The following ACSS1 variants were observed in gnomAD, a reference collection of about 807,000 sequenced individuals.
ACSS1 encodes acyl-CoA synthetase short chain family member 1.
In ACSS1, 42 loss-of-function variants were observed where a neutral mutation model predicts 75.3. The ratio of observed to expected loss-of-function variants is 0.56; its 90% CI spans 0.44 to 0.72. The LOEUF is 0.72. Ranked by LOEUF, ACSS1 falls within the 30% of genes least tolerant of loss-of-function variation. The pLI, the probability that ACSS1 is intolerant of heterozygous loss-of-function variation, is 0.00. For synonymous variants in ACSS1, 380 were observed against 376.8 expected (o/e 1.01, Z -0.10); for missense variants, 782 against 935.7 (o/e 0.84, Z 2.14).
rs2088322757 is a variant in ACSS1, at chr20:25,007,124, T to C, written c.*638A>G. On this transcript the variant is annotated 3_prime_UTR_variant, in exon 14 of 14. Transcript: ENST00000323482. ...AAAGATGCCGGAGGCTTGGAAGTTC[T>C]CAAGGGAACTGTTTAGACAGAGGTA... The C allele has an allele frequency of 7.1e-7, 1 of 1,399,050 alleles. No individual in the cohort carries two copies. Among genetic ancestry groups the C allele is most frequent in the African/African-American group, 1.4e-5 (1 of 69,128 alleles). The allele number at this position is 1,399,050 out of a possible 1,614,324, so 86.7% of individuals were successfully genotyped here. A position where few individuals can be genotyped will look rare whatever the true frequency, so the allele number is the denominator to read the frequency against.
chr20:25,032,349 G>A (rs897025548), intron 2 of ACSS1: 20 of 1,340,216 alleles, frequency 1.5e-5, no homozygotes, highest in Admixed American at 3.2e-5. Flanking sequence ...ACTGGGAGCA[G>A]GCGAGAGCCG....
At chr20:25,030,030 C>A (rs925318341) in intron 3 of ACSS1, among the ~76,000 whole-genome samples, 1 of 152,136 alleles carries the variant, frequency 6.6e-6, no homozygotes, top group East Asian at 1.9e-4. Context: ...TGAAAGGAAG[C>A]GGAAGGGCTT....
At chr20:25,009,483 A>G (rs1011518731) in intron 12 of ACSS1, 95 bp from the exon 13 acceptor site, 3 of 982,946 alleles carry the variant, frequency 3.1e-6, no homozygotes, top group African/African-American at 3.2e-5. Context: ...AGAAATCCGA[A>G]GGGCTTTTGA....
At chr20:25,019,377 A>G (rs909617224) in intron 7 of ACSS1, among the ~76,000 whole-genome samples, 8 of 152,240 alleles carry the variant, frequency 5.3e-5, no homozygotes, top group Non-Finnish European at 7.3e-5. Context: ...AACATTACCA[A>G]TAGGCCTAAG....
At position 25,009,295 on chromosome 20, in the gene ACSS1, T is replaced by C. The variant is rs1239980125; in HGVS notation, c.1865A>G (p.Lys622Arg). The C allele has an allele frequency of 6.2e-6, 10 of 1,614,016 alleles. No homozygotes were observed. The highest frequency in any genetic ancestry group is 8.5e-6 in the Non-Finnish European group (10 of 1,179,856). ...CAGGATCTCATCAGGCACAGCATAT[T>C]TGGCGATCTTGGTGGCCACCATGGA... ...LKSMVATKIA[K>R]YAVPDEILVV... The change falls in exon 13 of 14, where the codon AAA becomes AGA. Residue 622 changes from lysine to arginine, a missense_variant. This residue lies in a region of ACSS1 where 405 missense variants were observed against 552.6 expected (regional missense o/e 0.73). Transcript: ENST00000323482.
rs80288802 is a variant in ACSS1, at chr20:25,048,049, C to T, written c.431+36G>A. 8.8e-3 allele frequency: 13,989 copies of T among 1,597,836 alleles called. 1,016 individuals carry two copies. The African/African-American group carries it at 0.16, about 19-fold the overall frequency. ...TCAGCACACAGGACTGGGCTGGGCG[C>T]CTCCCTCGCACCTTGAACATTCGAG... On this transcript the variant is annotated intron_variant, in intron 2 of 13. Transcript: ENST00000323482.
In ACSS1 at chr20:25,023,480, C is replaced by A; in HGVS notation, c.793G>T (p.Val265Phe). 6.2e-7 allele frequency: 1 copy of A among 1,614,112 alleles called. No homozygotes were observed. The highest frequency in any genetic ancestry group is 8.5e-7 in the Non-Finnish European group (1 of 1,180,036). ...AGGTAACCCACCTGCTCCAGCGGGA[C>A]GTCCAGATCCCCCATGTGGACCTTG... ...DNKVHMGDLDVPLEQEMAKED... is the reference protein window; with the variant it reads ...DNKVHMGDLDFPLEQEMAKED... The change falls in exon 4 of 14, where the codon GTC becomes TTC. Residue 265 changes from valine (V) to phenylalanine (F), a missense_variant. By Grantham distance (50) the Val-to-Phe change is conservative. Coordinates refer to ENST00000323482, the MANE Select transcript of ACSS1 (RefSeq NM_032501.4).
rs2089188513 is a variant in ACSS1, at chr20:25,052,486, CCCA to C, written c.335-4308_335-4306del. Among the ~76,000 whole-genome samples the C allele has an allele frequency of 3.3e-5, 5 of 152,342 alleles. No individual in the cohort carries two copies. In the South Asian group the frequency reaches 1.0e-3, roughly 32 times the overall value. On this transcript the variant is annotated intron_variant, in intron 1 of 13. Transcript: ENST00000323482. Reference sequence around the variant, plus strand: ...CCCATTACAGGGCACAATGCCATTCCCCAAGGGCAGGGACTGTGTCCCTAAGAT... The same window carrying C: ...CCCATTACAGGGCACAATGCCATTCCAGGGCAGGGACTGTGTCCCTAAGAT...
At position 25,007,689 on chromosome 20, in the gene ACSS1, AG is replaced by A. The variant is rs1229050228; in HGVS notation, c.*72del. 1.9e-6 allele frequency: 3 copies of A among 1,570,972 alleles called. No homozygotes were observed. On this transcript the variant is annotated 3_prime_UTR_variant, in exon 14 of 14. Coordinates refer to ENST00000323482, the MANE Select transcript of ACSS1 (RefSeq NM_032501.4). ...TGGGACGTAGGAAGACGCCAACCTCAGGGGTACCTTCTGGGAAGGACAAGCC... is the reference window on the plus strand; with the variant it reads ...TGGGACGTAGGAAGACGCCAACCTCAGGGTACCTTCTGGGAAGGACAAGCC...
intron 1 of ACSS1, among the ~76,000 whole-genome samples, chr20:25,057,548 C>G (rs1365713162): frequency 6.6e-6 from 1 of 152,198 alleles, no homozygotes; most frequent in Non-Finnish European, 1.5e-5. Flanking sequence ...CCGCGGGCGC[C>G]GGCCCGAGCT....
chr20:25,044,051 G>A (rs1388729904), intron 2 of ACSS1, among the ~76,000 whole-genome samples: 1 of 152,140 alleles, frequency 6.6e-6, no homozygotes, highest in Non-Finnish European at 1.5e-5. Context: ...TCTGTGTGGG[G>A]GCATACCCTG....
chr20:25,052,535 C>A (rs1045505415), intron 1 of ACSS1, among the ~76,000 whole-genome samples: 1 of 152,248 alleles, frequency 6.6e-6, no homozygotes, highest in Non-Finnish European at 1.5e-5. Context: ...TGTAGACTGG[C>A]GTTGGGAATT....
intron 2 of ACSS1, among the ~76,000 whole-genome samples, chr20:25,039,411 C>T (rs2144371): frequency 0.38 from 57,196 of 152,128 alleles, 13,985 homozygotes; most frequent in East Asian, 0.92. Context: ...AGTTAGTTCA[C>T]TTTTTTAATA....
intron 2 of ACSS1, among the ~76,000 whole-genome samples, chr20:25,034,956 G>A (rs530273982): frequency 4.9e-4 from 75 of 151,772 alleles, no homozygotes; most frequent in Non-Finnish European, 8.7e-4. Flanking sequence ...GCAGTGGCGC[G>A]ATCTCCACCC....
intron 1 of ACSS1, among the ~76,000 whole-genome samples, chr20:25,054,757 G>A (rs898878566): frequency 6.6e-6 from 1 of 152,232 alleles, no homozygotes; most frequent in African/African-American, 2.4e-5. Flanking sequence ...TAAATAAAAT[G>A]TATAGGAGGC....
chr20:25,021,362 G>A (rs751259295), intron 6 of ACSS1, 27 bp downstream of exon 6: 2 of 1,610,574 alleles, frequency 1.2e-6, no homozygotes, highest in African/African-American at 1.3e-5. Flanking sequence ...CCAGCATGGG[G>A]TCCCAAACAG....
intron 1 of ACSS1, among the ~76,000 whole-genome samples, chr20:25,056,472 G>C (rs1009685427): frequency 6.6e-6 from 1 of 152,182 alleles, no homozygotes; most frequent in Non-Finnish European, 1.5e-5. Context: ...GAGGTCCAAA[G>C]TTCCTTCCAA....
At position 25,041,272 on chromosome 20, in the gene ACSS1, A is replaced by C. The variant is rs2088999340; in HGVS notation, c.431+6813T>G. On this transcript the variant is annotated intron_variant, in intron 2 of 13. Transcript: ENST00000323482. Reference sequence around the variant, plus strand: ...GACTCCGTCTCAAAAAAAAAAAAAAAAAACCTGTTAATTTGGAAGGAAGGT... The same window carrying C: ...GACTCCGTCTCAAAAAAAAAAAAAACAAACCTGTTAATTTGGAAGGAAGGT... 2.0e-5 allele frequency among the ~76,000 whole-genome samples: 3 copies of C among 152,256 alleles called. No individual in the cohort carries two copies. In the South Asian group the frequency reaches 6.2e-4, roughly 32 times the overall value.
In ACSS1 at chr20:25,023,485, A is replaced by G. The variant is rs1467918931; in HGVS notation, c.788T>C (p.Leu263Pro). The change falls in exon 4 of 14, where the codon CTG becomes CCG. Residue 263 changes from leucine to proline, a missense_variant. Physicochemically the swap from Leu to Pro is moderately conservative, Grantham distance 98. Around this residue, in one of 2 missense-constraint regions of ACSS1, gnomAD observed 377 missense variants for 383.1 expected, o/e 0.98. Coordinates refer to ENST00000323482, the MANE Select transcript of ACSS1 (RefSeq NM_032501.4). Reference protein sequence around the residue: ...RTDNKVHMGDLDVPLEQEMAK... With the variant: ...RTDNKVHMGDPDVPLEQEMAK... ...ACCCACCTGCTCCAGCGGGACGTCC[A>G]GATCCCCCATGTGGACCTTGTTGTC... The G allele has an allele frequency of 2.5e-6, 4 of 1,614,016 alleles. No homozygotes were observed. The highest frequency in any genetic ancestry group is 3.4e-6 in the Non-Finnish European group (4 of 1,180,044).
Sources: allele counts gnomAD v4.1 joint callset (sites outside exome capture counted in the v4.1 genomes callset), GRCh38; gene constraint gnomAD v4.1.1; regional missense constraint gnomAD v4.1.1; transcripts MANE v1.5; gene names NCBI Gene and HGNC (gene_info 2026-07-23, HGNC 2026-07-21).